PIGK: variants seen among roughly 807,000 people sequenced by gnomAD.
PIGK encodes the protein GPI-anchor transamidase.
In PIGK, 42 loss-of-function variants were observed where a neutral mutation model predicts 50.6. The ratio of observed to expected loss-of-function variants is 0.83; its 90% CI spans 0.65 to 1.07. PIGK has a LOEUF of 1.07. PIGK is among the 50% of genes least tolerant of loss of function. PIGK has a pLI of 0.00. For synonymous variants in PIGK, 151 were observed against 156.0 expected (o/e 0.97, Z 0.24); for missense variants, 448 against 488.7 (o/e 0.92, Z 0.78).
At chr1:77,133,488 A>C (rs1654428059) in intron 9 of PIGK, among the ~76,000 whole-genome samples, 1 of 152,034 alleles carries the variant, frequency 6.6e-6, no homozygotes, top group South Asian at 2.1e-4. Flanking sequence ...GTTTGCTTCT[A>C]TATTCTGTGT....
At chr1:77,183,919 C>T (rs1329340480) in intron 3 of PIGK, among the ~76,000 whole-genome samples, 1 of 152,076 alleles carries the variant, frequency 6.6e-6, no homozygotes, top group African/African-American at 2.4e-5. Flanking sequence ...GAAGATATAT[C>T]CTTGACCAAT....
intron 9 of PIGK, among the ~76,000 whole-genome samples, chr1:77,149,322 A>T (rs1443101817): frequency 6.6e-6 from 1 of 152,174 alleles, no homozygotes; most frequent in Non-Finnish European, 1.5e-5. Context: ...TAACTGGATT[A>T]AAAAACAAGA....
intron 3 of PIGK, among the ~76,000 whole-genome samples, chr1:77,191,780 CTT>C (rs1409495064): frequency 6.6e-6 from 1 of 152,166 alleles, no homozygotes; most frequent in Non-Finnish European, 1.5e-5. Flanking sequence ...AATCCCATTA[CTT>C]TGGGAGGCCA....
At chr1:77,202,699 GA>G (rs1027942416) in intron 3 of PIGK, among the ~76,000 whole-genome samples, 6 of 151,596 alleles carry the variant, frequency 4.0e-5, no homozygotes, top group Non-Finnish European at 5.9e-5. Context: ...TACAGAATAA[GA>G]AAAAAAACAG....
chr1:77,171,293 C>T (rs1016224717), intron 3 of PIGK, among the ~76,000 whole-genome samples: 22 of 151,256 alleles, frequency 1.5e-4, no homozygotes, highest in Non-Finnish European at 2.4e-4. Flanking sequence ...AAAAATTAGC[C>T]GGGCATGGTG....
At chr1:77,121,228 G>T (rs1386422447) in intron 10 of PIGK, among the ~76,000 whole-genome samples, 1 of 152,100 alleles carries the variant, frequency 6.6e-6, no homozygotes, top group Non-Finnish European at 1.5e-5. Flanking sequence ...AATTTTAAAT[G>T]TGACATTCGC....
Position 77,144,675 on chromosome 1 carries a change from T to C in PIGK, c.986+9774A>G, listed in dbSNP as rs950862409. On this transcript the variant is annotated intron_variant, in intron 9 of 10. Transcript: ENST00000370812. ...AATAGACGCTTTTGTTAATTACAGA[T>C]AGGGCAGTGAAATAAACTGCTAAAA... Among the ~76,000 whole-genome samples the C allele has an allele frequency of 2.0e-5, 3 of 151,854 alleles. No homozygotes were observed. The South Asian group carries it at 6.2e-4, about 31-fold the overall frequency.
intron 1 of PIGK, among the ~76,000 whole-genome samples, chr1:77,212,049 T>C (rs1261568711): frequency 6.6e-6 from 1 of 152,126 alleles, no homozygotes; most frequent in Non-Finnish European, 1.5e-5. Context: ...ATATAGCTGA[T>C]TGAGCACATC....
intron 3 of PIGK, among the ~76,000 whole-genome samples, chr1:77,171,461 A>AAAAAAAAAAAAAAAAAC: frequency 7.0e-6 from 1 of 143,100 alleles, no homozygotes; most frequent in Non-Finnish European, 1.5e-5. Context: ...AAAAAAAAAA[A>AAAAAAAAAAAAAAAAAC]AAGAATATTT....
At chr1:77,121,910 C>T (rs1028048676) in intron 10 of PIGK, among the ~76,000 whole-genome samples, 1 of 152,118 alleles carries the variant, frequency 6.6e-6, no homozygotes, top group Non-Finnish European at 1.5e-5. Context: ...TTTAGTGACT[C>T]CAAAAAATTA....
In PIGK at chr1:77,089,108, TAC is replaced by T. The variant is rs1653241333; in HGVS notation, c.*3264_*3265del. 6.6e-6 allele frequency: 1 copy of T among 152,202 alleles called. No individual in the cohort carries two copies. Among genetic ancestry groups the T allele is most frequent in the African/African-American group, 2.4e-5 (1 of 41,454 alleles). The allele number at this position is 152,202 out of a possible 1,614,324, so 9.4% of individuals were successfully genotyped here. On this transcript the variant is annotated 3_prime_UTR_variant, in exon 11 of 11. Transcript: ENST00000370812. ...ATTTCACAGCACATTTCCAAAACAG[TAC>T]AGTTTTTACACTAAGAAAAAAAAAT...
intron 1 of PIGK, among the ~76,000 whole-genome samples, chr1:77,215,864 A>G (rs1017170712): frequency 6.6e-6 from 1 of 152,176 alleles, no homozygotes; most frequent in Non-Finnish European, 1.5e-5. Context: ...TAATTTCAAT[A>G]TCACCCAGAT....
rs1481754810 is a variant in PIGK, at chr1:77,161,603, A to G, written c.693T>C (p.Asp231=). The part of the protein sequence containing the change: ...MALASSQVGE[D]SLSHQPDPAI... ...GGGAAAATGCACATACCGAGAGTGA[A>G]TCTTCTCCCACTTGACTACTAGCTA... The change falls in exon 7 of 11, where the codon GAT becomes GAC. Residue 231 remains aspartate, a synonymous_variant. Coordinates refer to ENST00000370812, the MANE Select transcript of PIGK (RefSeq NM_005482.3). 3 of 1,431,352 alleles carry G rather than the reference A, an allele frequency of 2.1e-6. No individual in the cohort carries two copies. Among genetic ancestry groups the G allele is most frequent in the Admixed American group, 1.7e-5 (1 of 59,802 alleles). 88.7% of individuals were successfully genotyped at this position (1,431,352 alleles called of 1,614,324 possible). A position where few individuals can be genotyped will look rare whatever the true frequency, so the allele number is the denominator to read the frequency against.
chr1:77,204,276 C>T (rs568885232), intron 3 of PIGK, among the ~76,000 whole-genome samples: 1 of 152,244 alleles, frequency 6.6e-6, no homozygotes, highest in South Asian at 2.1e-4. Flanking sequence ...AGCCCAGTCT[C>T]CTGTAGCGCT....
chr1:77,129,600 G>C, intron 9 of PIGK: 1 of 1,540,330 alleles, frequency 6.5e-7, no homozygotes. Context: ...ACCAGAAGAG[G>C]AGGTTGCCCA....
chr1:77,116,021 G>C (rs1255543042), intron 10 of PIGK, among the ~76,000 whole-genome samples: 1 of 152,102 alleles, frequency 6.6e-6, no homozygotes, highest in Non-Finnish European at 1.5e-5. Context: ...ACCAAGACAA[G>C]GTATTCACTG....
rs58788160 is a variant in PIGK, at chr1:77,171,436, C to CAAAAAAAAAAAAAAAAAAAAAAAAAAAAA, written c.240-2042_240-2041insTTTTTTTTTTTTTTTTTTTTTTTTTTTTT. Reference sequence around the variant, plus strand: ...TGGGCAACAGAGCAAGACTCCACCTCAAAAAAAAAAAAAAAAAAAAAAAAA... The same window carrying CAAAAAAAAAAAAAAAAAAAAAAAAAAAAA: ...TGGGCAACAGAGCAAGACTCCACCTCAAAAAAAAAAAAAAAAAAAAAAAAAAAAAAAAAAAAAAAAAAAAAAAAAAAAAA... On this transcript the variant is annotated intron_variant, in intron 3 of 10. Coordinates refer to ENST00000370812, the MANE Select transcript of PIGK (RefSeq NM_005482.3). Among the ~76,000 whole-genome samples the CAAAAAAAAAAAAAAAAAAAAAAAAAAAAA allele has an allele frequency of 9.6e-4, 45 of 46,888 alleles. 6 individuals carry two copies. Among genetic ancestry groups the CAAAAAAAAAAAAAAAAAAAAAAAAAAAAA allele is most frequent in the Non-Finnish European group, 1.6e-3 (39 of 24,296 alleles). The allele number at this position is 46,888 out of a possible 152,430, so 30.8% of individuals were successfully genotyped here.
chr1:77,099,608 C>T (rs572109830), intron 10 of PIGK, among the ~76,000 whole-genome samples: 2 of 152,206 alleles, frequency 1.3e-5, no homozygotes, highest in South Asian at 4.1e-4. Flanking sequence ...TTAATGATAT[C>T]GCTGACATAT....
intron 3 of PIGK, 72 bp from the exon 4 acceptor site, chr1:77,169,467 C>G: frequency 1.7e-6 from 2 of 1,206,004 alleles, no homozygotes; most frequent in Non-Finnish European, 2.3e-6. Context: ...TTATTTATAT[C>G]ATGTAGCTAC....
Sources: gnomAD v4.1 joint callset for allele counts (sites outside exome capture counted in the v4.1 genomes callset) on GRCh38, gnomAD v4.1.1 for gene constraint, MANE v1.5 for transcripts, NCBI Gene and HGNC (gene_info 2026-07-23, HGNC 2026-07-21) for gene names.